APOLD1: variants seen among roughly 807,000 people sequenced by gnomAD.
The protein encoded by APOLD1 is apolipoprotein L domain-containing protein 1.
APOLD1 carries 22 observed loss-of-function variants against 15.3 expected under a neutral mutation model. That is an observed-to-expected ratio of 1.44 (90% CI 1.03 to 2.05). The LOEUF is 2.05. Among genes scored for constraint, APOLD1 ranks in the 30% most tolerant of loss-of-function variants. The pLI is 0.00. For synonymous variants in APOLD1, 190 were observed against 167.4 expected, an observed-to-expected ratio of 1.13 and a Z score of -1.04; for missense variants, 394 against 353.5, an observed-to-expected ratio of 1.11 and a Z score of -0.92.
intron 1 of APOLD1, among the ~76,000 whole-genome samples, chr12:12,729,750 AG>A (rs1946621744): frequency 6.6e-6 from 1 of 151,894 alleles, no homozygotes; most frequent in South Asian, 2.1e-4. Flanking sequence ...CCAGCCTGGC[AG>A]CTCTAAAAAA....
intron 1 of APOLD1, among the ~76,000 whole-genome samples, chr12:12,774,205 T>G (rs2136393704): frequency 6.6e-6 from 1 of 152,224 alleles, no homozygotes; most frequent in African/African-American, 2.4e-5. Flanking sequence ...GATAAAGGAC[T>G]GTTATCCAAA....
chr12:12,729,474 G>A (rs555182065), intron 1 of APOLD1, among the ~76,000 whole-genome samples: 5 of 152,008 alleles, frequency 3.3e-5, no homozygotes, highest in Non-Finnish European at 5.9e-5. Flanking sequence ...TGCCTAGGCT[G>A]GTCTTGAACG....
chr12:12,752,612 T>TA (rs1476506994), intron 1 of APOLD1, among the ~76,000 whole-genome samples: 1 of 151,574 alleles, frequency 6.6e-6, no homozygotes, highest in East Asian at 1.9e-4. Context: ...TGGAGAAAAT[T>TA]TAAAAAAAAA....
At chr12:12,730,990 A>C (rs1946636086) in intron 1 of APOLD1, among the ~76,000 whole-genome samples, 1 of 151,904 alleles carries the variant, frequency 6.6e-6, no homozygotes, top group Non-Finnish European at 1.5e-5. Flanking sequence ...AAATAAAAAA[A>C]ATTAGCCGGG....
intron 1 of APOLD1, among the ~76,000 whole-genome samples, chr12:12,737,747 G>A (rs1171747765): frequency 6.6e-6 from 1 of 152,242 alleles, no homozygotes; most frequent in Non-Finnish European, 1.5e-5. Context: ...CCCAGGGTTG[G>A]TGTTAACTAC....
chr12:12,752,676 TC>T (rs1946821127), intron 1 of APOLD1, among the ~76,000 whole-genome samples: 1 of 151,888 alleles, frequency 6.6e-6, no homozygotes, highest in Non-Finnish European at 1.5e-5. Flanking sequence ...CTATGACAAA[TC>T]CCTAAATGAC....
At chr12:12,766,742 A>G (rs1296860988) in intron 1 of APOLD1, among the ~76,000 whole-genome samples, 2 of 152,156 alleles carry the variant, frequency 1.3e-5, no homozygotes, top group Admixed American at 1.3e-4. Context: ...CCAATTACTC[A>G]GGAGGCTGAG....
chr12:12,757,989 G>A (rs1360404962), intron 1 of APOLD1, among the ~76,000 whole-genome samples: 9 of 142,638 alleles, frequency 6.3e-5, no homozygotes, highest in Non-Finnish European at 7.5e-5. Flanking sequence ...CGCCAGGTGC[G>A]ATCTTGGCTC....
chr12:12,742,350 A>G (rs1002806589), intron 1 of APOLD1, among the ~76,000 whole-genome samples: 1 of 152,244 alleles, frequency 6.6e-6, no homozygotes, highest in East Asian at 1.9e-4. Context: ...CCATGGTAAG[A>G]AAAGCACGGA....
intron 1 of APOLD1, chr12:12,726,245 C>T (rs1946592713): frequency 2.7e-6 from 2 of 733,906 alleles, no homozygotes; most frequent in East Asian, 2.7e-5. Context: ...TTCAGCCAGT[C>T]GGTGTCATTT....
intron 1 of APOLD1, among the ~76,000 whole-genome samples, chr12:12,732,386 T>G (rs116461555): frequency 0.015 from 2,360 of 152,312 alleles, 58 homozygotes; most frequent in African/African-American, 0.054. Flanking sequence ...ATATTTTAAA[T>G]TGGCATTTAA....
intron 1 of APOLD1, among the ~76,000 whole-genome samples, chr12:12,766,542 ACTGATATAAAATCAG>A (rs1946943625): frequency 1.3e-5 from 2 of 152,200 alleles, no homozygotes; most frequent in Admixed American, 1.3e-4. Flanking sequence ...ATAGTAAAAC[ACTGATATAAAATCAG>A]CTGGGGCCAG....
chr12:12,759,062 G>C lies in APOLD1; in HGVS notation c.97-27847G>C, dbSNP rs1330302134. Among the ~76,000 whole-genome samples, 4 of 152,148 alleles carry C rather than the reference G, an allele frequency of 2.6e-5. No homozygotes were observed. The East Asian group carries it at 7.7e-4, about 29-fold the overall frequency. On this transcript the variant is annotated intron_variant, in intron 1 of 1. Coordinates refer to the APOLD1 transcript ENST00000326765. The stretch of plus-strand genomic sequence containing the variant: ...ACAGTGTGGTTCAGCTGGACAAAAG[G>C]AGGACTCACATCCTGTGCGGGAGGG...
chr12:12,770,087 G>A lies in APOLD1; in HGVS notation c.97-16822G>A, dbSNP rs553786427. ...AGAACAGGTAGGCAATGTAAGCAGA[G>A]AAATGGAAACTATAAAAAGAACCAA... On this transcript the variant is annotated intron_variant, in intron 1 of 1. Coordinates refer to the APOLD1 transcript ENST00000326765. 3.3e-4 allele frequency among the ~76,000 whole-genome samples: 51 copies of A among 152,288 alleles called. No individual in the cohort carries two copies. In the East Asian group the frequency reaches 9.8e-3, roughly 29 times the overall value.
At chr12:12,761,258 T>C (rs931053696) in intron 1 of APOLD1, among the ~76,000 whole-genome samples, 4 of 152,262 alleles carry the variant, frequency 2.6e-5, no homozygotes, top group African/African-American at 9.6e-5. Flanking sequence ...GATTATGTTG[T>C]CTGAATAGCT....
At chr12:12,761,548 A>G (rs1946898389) in intron 1 of APOLD1, among the ~76,000 whole-genome samples, 1 of 152,150 alleles carries the variant, frequency 6.6e-6, no homozygotes. Context: ...TCTTCCCTAC[A>G]GAAATACTCA....
chr12:12,730,194 A>G lies in APOLD1; in HGVS notation c.96+4098A>G, dbSNP rs555218686. Among the ~76,000 whole-genome samples, 237 of 152,100 alleles carry G rather than the reference A, an allele frequency of 1.6e-3. 1 individual carries two copies. The highest frequency in any genetic ancestry group is 5.6e-3 in the African/African-American group (231 of 41,502). On this transcript the variant is annotated intron_variant, in intron 1 of 1. Transcript: ENST00000326765. ...CTCCCAAAGTGCTGAAATTACAGGC[A>G]TGAGCCATCATGCCTGGCTCACTGG... is the stretch of plus-strand genomic sequence containing the variant.
chr12:12,729,242 A>T (rs1334868549), intron 1 of APOLD1, among the ~76,000 whole-genome samples: 3 of 152,072 alleles, frequency 2.0e-5, no homozygotes, highest in Non-Finnish European at 4.4e-5. Flanking sequence ...TTAAAAAAAA[A>T]AATAAAGTGG....
chr12:12,745,629 T>C (rs1461853627), intron 1 of APOLD1, among the ~76,000 whole-genome samples: 1 of 152,152 alleles, frequency 6.6e-6, no homozygotes, highest in African/African-American at 2.4e-5. Context: ...GAAAGCTTCC[T>C]ATATTGCGTG....
Sources: allele counts gnomAD v4.1 joint callset (sites outside exome capture counted in the v4.1 genomes callset), GRCh38; gene constraint gnomAD v4.1.1; transcripts MANE v1.5; gene names NCBI Gene and HGNC (gene_info 2026-07-23, HGNC 2026-07-21).